The following SOCS7 variants were observed in gnomAD, a reference collection of about 807,000 sequenced individuals.
The protein encoded by SOCS7 is NAP-4.
SOCS7 carries 18 observed loss-of-function variants against 58.9 expected under a neutral mutation model. The observed-to-expected ratio is 0.31, with a 90% CI of 0.21 to 0.45. The LOEUF is 0.45. Among genes scored for constraint, SOCS7 ranks in the 20% least tolerant of loss-of-function variants. The pLI is 1.00. For synonymous variants in SOCS7, 388 were observed against 364.3 expected (o/e 1.06, Z -0.74); for missense variants, 667 against 837.3 (o/e 0.80, Z 2.51).
intron 7 of SOCS7, among the ~76,000 whole-genome samples, chr17:38,392,294 C>G (rs1439802412): frequency 6.6e-6 from 1 of 152,204 alleles, no homozygotes; most frequent in Admixed American, 6.5e-5. Flanking sequence ...CATTAAAATT[C>G]AAGTAGGCAA....
chr17:38,388,769 T>C (rs376205744), intron 7 of SOCS7, among the ~76,000 whole-genome samples: 44 of 152,216 alleles, frequency 2.9e-4, no homozygotes, highest in African/African-American at 1.0e-3. Flanking sequence ...ATGTCTTGTT[T>C]CTTTTACTTA....
chr17:38,354,356 A>T (rs2037604366), intron 1 of SOCS7, among the ~76,000 whole-genome samples: 1 of 152,220 alleles, frequency 6.6e-6, no homozygotes, highest in East Asian at 1.9e-4. Context: ...TAAGAGTTTG[A>T]ACTTTTTAAA....
chr17:38,373,089 A>G (rs1274873036), intron 6 of SOCS7, among the ~76,000 whole-genome samples: 1 of 151,832 alleles, frequency 6.6e-6, no homozygotes, highest in Non-Finnish European at 1.5e-5. Context: ...CTGGGCAACA[A>G]GAGCAGAACT....
At chr17:38,374,597 A>G (rs1317358199) in intron 6 of SOCS7, among the ~76,000 whole-genome samples, 1 of 152,266 alleles carries the variant, frequency 6.6e-6, no homozygotes, top group African/African-American at 2.4e-5. Context: ...ACTTCATAGG[A>G]TCTGTGACAG....
intron 1 of SOCS7, among the ~76,000 whole-genome samples, chr17:38,360,835 G>C (rs1039150952): frequency 6.6e-6 from 1 of 152,174 alleles, no homozygotes; most frequent in South Asian, 2.1e-4. Flanking sequence ...CACCGCACCC[G>C]GCCAGCATAT....
intron 7 of SOCS7, among the ~76,000 whole-genome samples, chr17:38,387,111 A>ATATATGTATGTG (rs2038081345): frequency 1.4e-4 from 15 of 103,560 alleles, no homozygotes; most frequent in African/African-American, 8.4e-4. Context: ...AAATATATAT[A>ATATATGTATGTG]TATATATATA....
At position 38,377,835 on chromosome 17, in the gene SOCS7, G is replaced by A. The variant is rs1310804621; in HGVS notation, c.1674G>A (p.Arg558=). Residue 558 remains arginine (R), a synonymous_variant, in exon 7 of 10, where the codon AGG becomes AGA. Coordinates refer to ENST00000612932, the MANE Select transcript of SOCS7 (RefSeq NM_014598.4). ...AGTTTCTCTATTTCTTAAGATCCAGGGTTCCAGGTAAGGCTGTACTTCTGT... is the reference window on the plus strand; with the variant it reads ...AGTTTCTCTATTTCTTAAGATCCAGAGTTCCAGGTAAGGCTGTACTTCTGT... ...NGKFLYFLRS[R]VPGLPPTPVQ... The A allele has an allele frequency of 6.2e-7, 1 of 1,613,162 alleles. No homozygotes were observed. The highest frequency in any genetic ancestry group is 8.5e-7 in the Non-Finnish European group (1 of 1,179,664).
chr17:38,360,679 A>C (rs1444813412), intron 1 of SOCS7, among the ~76,000 whole-genome samples: 1 of 152,082 alleles, frequency 6.6e-6, no homozygotes, highest in Non-Finnish European at 1.5e-5. Flanking sequence ...AACTGGGACT[A>C]CAGGCACCCG....
In SOCS7 at chr17:38,352,310, A is replaced by G; in HGVS notation, c.258A>G (p.Gly86=). The G allele has an allele frequency of 6.7e-7, 1 of 1,483,992 alleles. No homozygotes were observed. The highest frequency in any genetic ancestry group is 8.9e-7 in the Non-Finnish European group (1 of 1,127,526). 91.9% of individuals were successfully genotyped at this position (1,483,992 alleles called of 1,614,324 possible). A position where few individuals can be genotyped will look rare whatever the true frequency, so the allele number is the denominator to read the frequency against. ...ACGTGGAGGCGGCCCCGGAGCCGGG[A>G]CCCTCGGAACTGCTGTGTCCCCGGC... ...EEDVEAAPEP[G]PSELLCPRHR... is the part of the protein sequence containing the mutation. Residue 86 remains glycine, a synonymous_variant, in exon 1 of 10, where the codon GGA becomes GGG. Coordinates refer to ENST00000612932, the MANE Select transcript of SOCS7 (RefSeq NM_014598.4). The surrounding 1 kb of genome is among the most constrained non-coding windows in gnomAD (Gnocchi z 5.5).
intron 7 of SOCS7, among the ~76,000 whole-genome samples, chr17:38,388,530 A>G (rs949042149): frequency 1.3e-5 from 2 of 152,134 alleles, no homozygotes; most frequent in African/African-American, 2.4e-5. Context: ...TCAAGAAAAA[A>G]AAATACTGTG....
Position 38,372,703 on chromosome 17 carries a change from A to G in SOCS7, c.1552+4653A>G, listed in dbSNP as rs140258319. Reference sequence around the variant, plus strand: ...GGAAGTTCCCCTAAGAGGCAGAGAAAAGTTAGAACATTACAAGAAAAATTG... The same window carrying G: ...GGAAGTTCCCCTAAGAGGCAGAGAAGAGTTAGAACATTACAAGAAAAATTG... On this transcript the variant is annotated intron_variant, in intron 6 of 9. Transcript: ENST00000612932. Among the ~76,000 whole-genome samples the G allele has an allele frequency of 9.2e-5, 14 of 152,350 alleles. No homozygotes were observed. In the East Asian group the frequency reaches 2.7e-3, roughly 29 times the overall value.
intron 2 of SOCS7, among the ~76,000 whole-genome samples, chr17:38,364,036 A>G (rs2037754497): frequency 6.6e-6 from 1 of 152,212 alleles, no homozygotes; most frequent in South Asian, 2.1e-4. Context: ...ACTGCATGAC[A>G]TGCTGGGAAG....
At position 38,389,865 on chromosome 17, in the gene SOCS7, G is replaced by GTATATATA. The variant is rs1270608226; in HGVS notation, c.1682-5442_1682-5441insTATATATA. 3.3e-3 allele frequency among the ~76,000 whole-genome samples: 89 copies of GTATATATA among 26,888 alleles called. 4 individuals are homozygous for GTATATATA. Among genetic ancestry groups the GTATATATA allele is most frequent in the African/African-American group, 8.9e-3 (83 of 9,328 alleles). The allele number at this position is 26,888 out of a possible 152,430, so 17.6% of individuals were successfully genotyped here. A position where few individuals can be genotyped will look rare whatever the true frequency, so the allele number is the denominator to read the frequency against. The stretch of plus-strand genomic sequence containing the variant: ...ATTTTTTTGTTTGGTGTGTATGTGT[G>GTATATATA]TACATATATATATATATGTACATAT... On this transcript the variant is annotated intron_variant, in intron 7 of 9. Coordinates refer to ENST00000612932, the MANE Select transcript of SOCS7 (RefSeq NM_014598.4).
rs1281717690 is a variant in SOCS7 at position 38,404,991 on chromosome 17, C to G, written c.*5509C>G. The G allele has an allele frequency of 1.3e-5, 2 of 152,122 alleles. No individual in the cohort carries two copies. Among genetic ancestry groups the G allele is most frequent in the African/African-American group, 2.4e-5 (1 of 41,400 alleles). 9.4% of individuals were successfully genotyped at this position (152,122 alleles called of 1,614,324 possible). A position where few individuals can be genotyped will look rare whatever the true frequency, so the allele number is the denominator to read the frequency against. ...GCTCGGGGTGGTTGCCAATTTTTCACCAGAAAGGGAGCCACCCCTTGCAAC... is the reference window on the plus strand; with the variant it reads ...GCTCGGGGTGGTTGCCAATTTTTCAGCAGAAAGGGAGCCACCCCTTGCAAC... On this transcript the variant is annotated 3_prime_UTR_variant, in exon 10 of 10. Coordinates refer to ENST00000612932, the MANE Select transcript of SOCS7 (RefSeq NM_014598.4).
chr17:38,365,991 C>T lies in SOCS7; in HGVS notation c.1253-296C>T, dbSNP rs1567738924. 11 of 1,120,552 alleles carry T rather than the reference C, an allele frequency of 9.8e-6. No individual in the cohort carries two copies. In the South Asian group the frequency reaches 2.1e-4, roughly 21 times the overall value. The allele number at this position is 1,120,552 out of a possible 1,614,324, so 69.4% of individuals were successfully genotyped here. A position where few individuals can be genotyped will look rare whatever the true frequency, so the allele number is the denominator to read the frequency against. Reference sequence around the variant, plus strand: ...ACTTCGAGGTGGGAGAAGTTGGAATCGCTCTAGGCTGGTGAAGCCCCTGAA... The same window carrying T: ...ACTTCGAGGTGGGAGAAGTTGGAATTGCTCTAGGCTGGTGAAGCCCCTGAA... On this transcript the variant is annotated intron_variant, in intron 4 of 9. Coordinates refer to ENST00000612932, the MANE Select transcript of SOCS7 (RefSeq NM_014598.4).
rs1409541185 is a variant in SOCS7, at chr17:38,404,632, T to C, written c.*5150T>C. 6.6e-6 allele frequency: 1 copy of C among 152,240 alleles called. No homozygotes were observed. The highest frequency in any genetic ancestry group is 1.5e-5 in the Non-Finnish European group (1 of 68,074). The allele number at this position is 152,240 out of a possible 1,614,324, so 9.4% of individuals were successfully genotyped here. On this transcript the variant is annotated 3_prime_UTR_variant, in exon 10 of 10. Coordinates refer to ENST00000612932, the MANE Select transcript of SOCS7 (RefSeq NM_014598.4). ...GCTGGACTGCGATCGTAGTTCCTCC[T>C]GGAGATAGAGTGTGAGGAACTTAGG... is the stretch of plus-strand genomic sequence containing the variant.
In SOCS7 at chr17:38,387,131, A is replaced by ATG. The variant is rs1555570694; in HGVS notation, c.1682-8176_1682-8175dup. Among the ~76,000 whole-genome samples, 842 of 87,878 alleles carry ATG rather than the reference A, an allele frequency of 9.6e-3. 90 individuals carry two copies. The highest frequency in any genetic ancestry group is 0.051 in the African/African-American group (794 of 15,668). 57.7% of individuals were successfully genotyped at this position (87,878 alleles called of 152,430 possible). A position where few individuals can be genotyped will look rare whatever the true frequency, so the allele number is the denominator to read the frequency against. On this transcript the variant is annotated intron_variant, in intron 7 of 9. Coordinates refer to ENST00000612932, the MANE Select transcript of SOCS7 (RefSeq NM_014598.4). ...TATATATATATATATATATATATGT[A>ATG]TGTATATATATATATATATATGATT... is the stretch of plus-strand genomic sequence containing the variant.
chr17:38,351,882 TG>T lies in SOCS7; in HGVS notation c.-168del, dbSNP rs2037555203. Reference sequence around the variant, plus strand: ...TGCTCGGCGGTGGCGGAGCGCGGCCTGGGCTCGCGCTGGGCTCCGCGCGCCC... The same window carrying T: ...TGCTCGGCGGTGGCGGAGCGCGGCCTGGCTCGCGCTGGGCTCCGCGCGCCC... On this transcript the variant is annotated 5_prime_UTR_variant, in exon 1 of 10. Transcript: ENST00000612932. Among the ~76,000 whole-genome samples, 1 of 148,942 alleles carries T rather than the reference TG, an allele frequency of 6.7e-6. No homozygotes were observed. The highest frequency in any genetic ancestry group is 2.1e-4 in the East Asian group (1 of 4,728).
intron 7 of SOCS7, among the ~76,000 whole-genome samples, chr17:38,380,353 G>A (rs2037984925): frequency 6.6e-6 from 1 of 152,046 alleles, no homozygotes; most frequent in African/African-American, 2.4e-5. Flanking sequence ...TAATATGGCT[G>A]GGCTCGGTGG....
Sources: allele counts gnomAD v4.1 joint callset (sites outside exome capture counted in the v4.1 genomes callset), GRCh38; gene constraint gnomAD v4.1.1; non-coding constraint Gnocchi (gnomAD v3.1); transcripts MANE v1.5; gene names NCBI Gene and HGNC (gene_info 2026-07-23, HGNC 2026-07-21).